Variants in SRGAP1 observed in about 807,000 individuals in gnomAD.
SRGAP1 encodes the protein SLIT-ROBO Rho GTPase-activating protein 1.
SRGAP1 carries 43 observed loss-of-function variants against 121.9 expected under a neutral mutation model. The ratio of observed to expected loss-of-function variants is 0.35; its 90% CI spans 0.28 to 0.46. The LOEUF (loss-of-function observed/expected upper bound fraction) is 0.46. Among genes scored for constraint, SRGAP1 ranks in the 20% least tolerant of loss-of-function variants. The pLI, the probability that SRGAP1 is intolerant of heterozygous loss-of-function variation, is 1.00. For synonymous variants in SRGAP1, 447 were observed against 485.4 expected (o/e 0.92, Z 1.04); for missense variants, 1,102 against 1,350.9 (o/e 0.82, Z 2.89).
At chr12:64,106,482 C>G in intron 15 of SRGAP1, among the ~76,000 whole-genome samples, 1 of 152,136 alleles carries the variant, frequency 6.6e-6, no homozygotes, top group African/African-American at 2.4e-5. Flanking sequence ...ATACAGAATT[C>G]CCATTAAATT....
intron 21 of SRGAP1, among the ~76,000 whole-genome samples, chr12:64,141,471 T>C (rs2136654279): frequency 6.6e-6 from 1 of 151,686 alleles, no homozygotes; most frequent in East Asian, 2.0e-4. Flanking sequence ...TCCCAGCTAC[T>C]TGGGAGGCTG....
At chr12:64,008,991 C>A (rs1003893041) in intron 3 of SRGAP1, among the ~76,000 whole-genome samples, 1 of 151,998 alleles carries the variant, frequency 6.6e-6, no homozygotes, top group Non-Finnish European at 1.5e-5. Flanking sequence ...CACCAGGGAA[C>A]GGTATAGCTT....
chr12:63,949,229 T>C (rs1592973414), intron 1 of SRGAP1, among the ~76,000 whole-genome samples: 2 of 145,378 alleles, frequency 1.4e-5, no homozygotes, highest in Admixed American at 1.4e-4. Flanking sequence ...TATATATATA[T>C]ACCAAATAAG....
chr12:63,987,836 C>G (rs1018417267), intron 2 of SRGAP1, among the ~76,000 whole-genome samples: 2 of 152,212 alleles, frequency 1.3e-5, no homozygotes, highest in African/African-American at 4.8e-5. Flanking sequence ...CGTGATAAAA[C>G]AGCTGACTTT....
intron 1 of SRGAP1, among the ~76,000 whole-genome samples, chr12:63,940,839 G>A (rs1411912136): frequency 6.6e-6 from 1 of 152,214 alleles, no homozygotes; most frequent in African/African-American, 2.4e-5. Flanking sequence ...GCAGCATGTG[G>A]CATCTCCTAT....
At chr12:64,007,703 A>G (rs2034127580) in intron 3 of SRGAP1, among the ~76,000 whole-genome samples, 1 of 152,160 alleles carries the variant, frequency 6.6e-6, no homozygotes, top group African/African-American at 2.4e-5. Context: ...AGTTAAGACC[A>G]ATTGGAGGAA....
rs1399438141 is a variant in SRGAP1 at position 63,913,517 on chromosome 12, A to G, written c.67+68634A>G. Among the ~76,000 whole-genome samples the G allele has an allele frequency of 4.1e-5, 6 of 146,900 alleles. No homozygotes were observed. The South Asian group carries it at 1.3e-3, about 31-fold the overall frequency. On this transcript the variant is annotated intron_variant, in intron 1 of 21. Transcript: ENST00000355086. ...AATACACATATATGTGTATATATAT[A>G]TACATATATGTGTGTATTATATATA...
chr12:64,100,430 G>A (rs2036235739), intron 15 of SRGAP1, among the ~76,000 whole-genome samples: 1 of 152,160 alleles, frequency 6.6e-6, no homozygotes, highest in Admixed American at 6.5e-5. Context: ...GATATCTCAT[G>A]TAAGGGTACC....
intron 8 of SRGAP1, among the ~76,000 whole-genome samples, chr12:64,075,236 G>A (rs1346490996): frequency 6.6e-6 from 1 of 152,216 alleles, no homozygotes; most frequent in Non-Finnish European, 1.5e-5. Flanking sequence ...TATGGGAAAC[G>A]AAGGGATGGG....
intron 15 of SRGAP1, among the ~76,000 whole-genome samples, chr12:64,104,623 T>C (rs1342462745): frequency 6.6e-6 from 1 of 152,168 alleles, no homozygotes; most frequent in Non-Finnish European, 1.5e-5. Context: ...GGATACACAT[T>C]GCGCGCCTGT....
chr12:63,869,483 G>GTC (rs71434037), intron 1 of SRGAP1, among the ~76,000 whole-genome samples: 1 of 152,050 alleles, frequency 6.6e-6, no homozygotes, highest in Non-Finnish European at 1.5e-5. Flanking sequence ...GTGTGTGTGT[G>GTC]TTTCTTTCCT....
At chr12:63,890,277 A>G (rs1900534589) in intron 1 of SRGAP1, among the ~76,000 whole-genome samples, 1 of 152,220 alleles carries the variant, frequency 6.6e-6, no homozygotes, top group South Asian at 2.1e-4. Context: ...AAACAAGTGT[A>G]GCTGGAGAGA....
At chr12:64,087,090 T>C in intron 11 of SRGAP1, 64 bp downstream of exon 11, 1 of 1,238,172 alleles carries the variant, frequency 8.1e-7, no homozygotes, top group Non-Finnish European at 1.1e-6. Flanking sequence ...GAAGCAACCA[T>C]TTCAATGCTG....
chr12:64,114,889 TGTA>T (rs1306592522), intron 17 of SRGAP1, among the ~76,000 whole-genome samples: 1 of 152,144 alleles, frequency 6.6e-6, no homozygotes, highest in African/African-American at 2.4e-5. Context: ...AAGTCAACAG[TGTA>T]GTAGTTATAC....
chr12:64,091,726 G>C (rs181205443), intron 12 of SRGAP1, among the ~76,000 whole-genome samples: 3 of 152,262 alleles, frequency 2.0e-5, no homozygotes, highest in African/African-American at 7.2e-5. Flanking sequence ...ATTCTTTAAA[G>C]TCTGCTTGTT....
intron 1 of SRGAP1, among the ~76,000 whole-genome samples, chr12:63,980,258 T>C (rs1336339253): frequency 6.6e-6 from 1 of 152,162 alleles, no homozygotes; most frequent in Non-Finnish European, 1.5e-5. Flanking sequence ...CTCCCTATCT[T>C]GCCCAGGCTG....
chr12:63,913,703 A>G (rs1356851466), intron 1 of SRGAP1, among the ~76,000 whole-genome samples: 1 of 151,646 alleles, frequency 6.6e-6, no homozygotes, highest in Non-Finnish European at 1.5e-5. Context: ...TTATTGCAAT[A>G]TTTGTACATG....
rs967656643 is a variant in SRGAP1, at chr12:64,009,500, G to A, written c.427-7450G>A. 2.6e-5 allele frequency among the ~76,000 whole-genome samples: 4 copies of A among 152,168 alleles called. No homozygotes were observed. In the South Asian group the frequency reaches 6.2e-4, roughly 24 times the overall value. ...ACTGTTTATATGTGGTAGATTGTGA[G>A]TGACTTTGGTGTTGATGACTATGCA... is the stretch of plus-strand genomic sequence containing the variant. On this transcript the variant is annotated intron_variant, in intron 3 of 21. Transcript: ENST00000355086.
intron 17 of SRGAP1, among the ~76,000 whole-genome samples, chr12:64,113,699 C>G (rs1404101139): frequency 6.6e-6 from 1 of 152,178 alleles, no homozygotes; most frequent in Non-Finnish European, 1.5e-5. Context: ...TATTATATCT[C>G]AGCTGCTTAG....
Sources: allele counts gnomAD v4.1 joint callset (sites outside exome capture counted in the v4.1 genomes callset), GRCh38; gene constraint gnomAD v4.1.1; transcripts MANE v1.5; gene names NCBI Gene and HGNC (gene_info 2026-07-23, HGNC 2026-07-21).